Variants in KCTD10 observed in about 807,000 individuals in gnomAD.
KCTD10 encodes potassium channel tetramerization domain containing 10.
In KCTD10, 13 loss-of-function variants were observed where a neutral mutation model predicts 34.6. The observed-to-expected ratio is 0.38, with a 90% CI of 0.24 to 0.60. The LOEUF is 0.60. Ranked by LOEUF, KCTD10 falls within the 20% of genes least tolerant of loss-of-function variation. The pLI is 0.66. For missense variants in KCTD10, 256 were observed against 420.3 expected (o/e 0.61, Z 3.42); for synonymous variants, 156 against 168.8 (o/e 0.92, Z 0.59).
chr12:109,472,737 C>T (rs1041915575), intron 1 of KCTD10, among the ~76,000 whole-genome samples: 1 of 152,212 alleles, frequency 6.6e-6, no homozygotes, highest in African/African-American at 2.4e-5. Context: ...GCTACACTAT[C>T]ACTGGGCTAC....
Position 109,450,311 on chromosome 12 carries a change from C to T in KCTD10, c.*1284G>A, listed in dbSNP as rs1051602730. On this transcript the variant is annotated 3_prime_UTR_variant, in exon 7 of 7. Coordinates refer to ENST00000228495, the MANE Select transcript of KCTD10 (RefSeq NM_031954.5). The stretch of plus-strand genomic sequence containing the variant: ...CCTGGGAGGTAGGTCACTGAGAACA[C>T]CCGTCCTACATAGGCGCTGCGCCCA... 5.0e-6 allele frequency: 2 copies of T among 398,246 alleles called. No homozygotes were observed. Among genetic ancestry groups the T allele is most frequent in the Non-Finnish European group, 8.8e-6 (2 of 226,122 alleles). The allele number at this position is 398,246 out of a possible 1,614,324, so 24.7% of individuals were successfully genotyped here. A position where few individuals can be genotyped will look rare whatever the true frequency, so the allele number is the denominator to read the frequency against.
intron 1 of KCTD10, chr12:109,471,278 G>C (rs1385197031): frequency 1.0e-6 from 1 of 985,308 alleles, no homozygotes; most frequent in Non-Finnish European, 1.2e-6. Flanking sequence ...CGACAGTCAT[G>C]GACAATATTC....
chr12:109,477,249 G>A lies in KCTD10; in HGVS notation c.3+11C>T. ...CCTCAACCCCTAGTCCATGGGCACC[G>A]CCCTCCCTACCATGAAAAGTCGGAG... On this transcript the variant is annotated intron_variant, in intron 1 of 6. Transcript: ENST00000228495. 2 of 1,613,546 alleles carry A rather than the reference G, an allele frequency of 1.2e-6. No homozygotes were observed. Among genetic ancestry groups the A allele is most frequent in the Non-Finnish European group, 1.7e-6 (2 of 1,179,800 alleles).
chr12:109,457,501 TTATC>T, intron 5 of KCTD10, 125 bp downstream of exon 5: 1 of 736,406 alleles, frequency 1.4e-6, no homozygotes. Flanking sequence ...ATCTGTCTAC[TTATC>T]TATCCAGGCA....
rs1566054911 is a variant in KCTD10, at chr12:109,460,845, C to G, written c.218-40G>C. 1 of 1,600,966 alleles carries G rather than the reference C, an allele frequency of 6.2e-7. No homozygotes were observed. The highest frequency in any genetic ancestry group is 1.7e-5 in the Admixed American group (1 of 59,528). ...GGCAGGGGCTGGTTACATGGGCCCT[C>G]CTCTTGTGGGAGGCCCTGAGCAGAG... On this transcript the variant is annotated intron_variant, in intron 2 of 6. Coordinates refer to ENST00000228495, the MANE Select transcript of KCTD10 (RefSeq NM_031954.5). This position sits in a 1 kb window ranked among gnomAD's most constrained non-coding sequence, Gnocchi z 4.5.
Position 109,460,447 on chromosome 12 carries a change from G to C in KCTD10, c.387+189C>G, listed in dbSNP as rs1313984665. 2 of 593,302 alleles carry C rather than the reference G, an allele frequency of 3.4e-6. No homozygotes were observed. Among genetic ancestry groups the C allele is most frequent in the Admixed American group, 6.0e-5 (2 of 33,210 alleles). The allele number at this position is 593,302 out of a possible 1,614,324, so 36.8% of individuals were successfully genotyped here. On this transcript the variant is annotated intron_variant, in intron 3 of 6. Coordinates refer to ENST00000228495, the MANE Select transcript of KCTD10 (RefSeq NM_031954.5). The surrounding 1 kb of genome is among the most constrained non-coding windows in gnomAD (Gnocchi z 4.5). ...CAAGGAGTGACACAGTAGTTAGGTG[G>C]CCTGCTGTTCCAGGGAGGCCTCTCA...
intron 6 of KCTD10, among the ~76,000 whole-genome samples, chr12:109,453,348 C>T (rs1002071850): frequency 1.3e-5 from 2 of 151,920 alleles, no homozygotes; most frequent in Non-Finnish European, 2.9e-5. Flanking sequence ...CACCACCATG[C>T]CCAGCTATTT....
intron 2 of KCTD10, among the ~76,000 whole-genome samples, chr12:109,463,216 C>A (rs1225576860): frequency 6.6e-6 from 1 of 152,194 alleles, no homozygotes; most frequent in Non-Finnish European, 1.5e-5. Context: ...TGGGAAGACC[C>A]AGGGCCCTGA....
chr12:109,468,755 T>C (rs996513116), intron 2 of KCTD10, among the ~76,000 whole-genome samples: 1 of 150,876 alleles, frequency 6.6e-6, no homozygotes, highest in Admixed American at 6.6e-5. Context: ...CGAGTTCACG[T>C]CATTCTCCTG....
rs1324681731 is a variant in KCTD10 at position 109,475,303 on chromosome 12, T to G, written c.3+1957A>C. Among the ~76,000 whole-genome samples, 4 of 149,762 alleles carry G rather than the reference T, an allele frequency of 2.7e-5. No homozygotes were observed. The East Asian group carries it at 7.8e-4, about 29-fold the overall frequency. On this transcript the variant is annotated intron_variant, in intron 1 of 6. Transcript: ENST00000228495. ...AGCCTGAGCAACATAAGACCTAATC[T>G]CCACAAAAAAATTAAAAAAAAAAAT...
At chr12:109,464,972 T>G (rs969618473) in intron 2 of KCTD10, 1 of 399,978 alleles carries the variant, frequency 2.5e-6, no homozygotes, top group East Asian at 7.5e-5. Context: ...GGGTAAGATC[T>G]TAAAGCCATA....
chr12:109,470,615 A>G (rs544729652), intron 1 of KCTD10: 1 of 984,824 alleles, frequency 1.0e-6, no homozygotes, highest in African/African-American at 1.7e-5. Flanking sequence ...GGTAGCCCCC[A>G]CGGCTGGCCC....
At chr12:109,459,303 TAGG>T (rs1373223625) in intron 3 of KCTD10, 5 of 152,028 alleles carry the variant, frequency 3.3e-5, no homozygotes, top group African/African-American at 9.7e-5. Context: ...AGGAAAGAAT[TAGG>T]AGGTCAGTCC....
chr12:109,464,415 G>A (rs1873496842), intron 2 of KCTD10, among the ~76,000 whole-genome samples: 1 of 152,118 alleles, frequency 6.6e-6, no homozygotes, highest in African/African-American at 2.4e-5. Context: ...TCATCCCCAA[G>A]AAACAACAAA....
intron 4 of KCTD10, 98 bp downstream of exon 4, chr12:109,457,894 T>C: frequency 1.7e-6 from 2 of 1,152,108 alleles, no homozygotes; most frequent in Non-Finnish European, 2.6e-6. Flanking sequence ...CAGGCCTCAC[T>C]CAGGCAATTA....
chr12:109,460,632 C>T lies in KCTD10; in HGVS notation c.387+4G>A. 2 of 1,612,612 alleles carry T rather than the reference C, an allele frequency of 1.2e-6. No homozygotes were observed. Among genetic ancestry groups the T allele is most frequent in the African/African-American group, 1.3e-5 (1 of 75,032 alleles). On this transcript the variant is annotated splice_donor_region_variant and intron_variant, in intron 3 of 6. Coordinates refer to ENST00000228495, the MANE Select transcript of KCTD10 (RefSeq NM_031954.5). The surrounding 1 kb of genome is among the most constrained non-coding windows in gnomAD (Gnocchi z 4.5). ...CCCATATGGGAAGAAAGGGTGATGC[C>T]TACTTGTAGGGCCGCCTGGCACTCT...
intron 2 of KCTD10, among the ~76,000 whole-genome samples, chr12:109,465,202 C>G (rs774784445): frequency 3.3e-5 from 5 of 152,174 alleles, no homozygotes; most frequent in Admixed American, 2.0e-4. Context: ...GCTCCGGCAG[C>G]GGCTGTATGC....
rs1355939467 is a variant in KCTD10 at position 109,449,370 on chromosome 12, A to G, written c.*2225T>C. On this transcript the variant is annotated 3_prime_UTR_variant, in exon 7 of 7. Transcript: ENST00000228495. ...AGAGAGCTGCCAGAAACACTAGCTC[A>G]TTAGGCATAGAGGCCACAGCAAATC... 6.6e-6 allele frequency: 1 copy of G among 152,250 alleles called. No homozygotes were observed. The highest frequency in any genetic ancestry group is 1.5e-5 in the Non-Finnish European group (1 of 68,054). 9.4% of individuals were successfully genotyped at this position (152,250 alleles called of 1,614,324 possible). A position where few individuals can be genotyped will look rare whatever the true frequency, so the allele number is the denominator to read the frequency against.
intron 1 of KCTD10, among the ~76,000 whole-genome samples, chr12:109,475,547 A>T (rs1382130584): frequency 6.6e-6 from 1 of 152,122 alleles, no homozygotes; most frequent in Non-Finnish European, 1.5e-5. Context: ...ATTAATCAGT[A>T]TCTCAGAGAT....
Sources: gnomAD v4.1 joint callset for allele counts (sites outside exome capture counted in the v4.1 genomes callset) on GRCh38, gnomAD v4.1.1 for gene constraint, Gnocchi (gnomAD v3.1) non-coding constraint, MANE v1.5 for transcripts, NCBI Gene and HGNC (gene_info 2026-07-23, HGNC 2026-07-21) for gene names.